GRID2: variants seen among roughly 807,000 people sequenced by gnomAD.
GRID2 encodes the protein glutamate receptor ionotropic, delta-2.
Under a neutral mutation model 114.8 loss-of-function variants are expected in GRID2, and 33 were observed. The ratio of observed to expected loss-of-function variants is 0.29; its 90% CI spans 0.22 to 0.38. The LOEUF is 0.38. Among genes scored for constraint, GRID2 ranks in the 10% least tolerant of loss-of-function variants. The pLI, the probability that GRID2 is intolerant of heterozygous loss-of-function variation, is 1.00. For synonymous variants in GRID2, 505 were observed against 449.9 expected (o/e 1.12, Z -1.55); for missense variants, 1,184 against 1,257.7 (o/e 0.94, Z 0.89).
chr4:93,036,086 G>T (rs1308895019), intron 2 of GRID2, among the ~76,000 whole-genome samples: 1 of 151,892 alleles, frequency 6.6e-6, no homozygotes, highest in Non-Finnish European at 1.5e-5. Context: ...CTCACCTCTG[G>T]TTACCTTAAT....
chr4:92,429,642 A>T (rs1165301148), intron 1 of GRID2, among the ~76,000 whole-genome samples: 1 of 152,152 alleles, frequency 6.6e-6, no homozygotes, highest in Non-Finnish European at 1.5e-5. Flanking sequence ...ATCATATGGT[A>T]GTCTATTTTT....
intron 11 of GRID2, among the ~76,000 whole-genome samples, chr4:93,476,498 C>T (rs1323989566): frequency 3.9e-5 from 6 of 152,026 alleles, no homozygotes; most frequent in African/African-American, 7.2e-5. Flanking sequence ...ATGCTTTTTA[C>T]GATACATTTA....
At chr4:93,441,449 A>G (rs985108412) in intron 10 of GRID2, among the ~76,000 whole-genome samples, 2 of 151,998 alleles carry the variant, frequency 1.3e-5, no homozygotes, top group Non-Finnish European at 2.9e-5. Context: ...TATAGCCTAG[A>G]AAGGTAGTTG....
At chr4:92,797,970 T>A (rs1384889529) in intron 2 of GRID2, among the ~76,000 whole-genome samples, 2 of 151,986 alleles carry the variant, frequency 1.3e-5, no homozygotes, top group African/African-American at 2.4e-5. Flanking sequence ...GCCTTAAAAA[T>A]TGTTATTTTA....
chr4:93,005,236 T>A (rs1176096111), intron 2 of GRID2, among the ~76,000 whole-genome samples: 3 of 152,118 alleles, frequency 2.0e-5, no homozygotes, highest in African/African-American at 7.2e-5. Context: ...GATAACATGG[T>A]CATTCATCAA....
intron 4 of GRID2, among the ~76,000 whole-genome samples, chr4:93,190,833 T>A (rs1178553781): frequency 2.0e-5 from 3 of 152,078 alleles, no homozygotes; most frequent in African/African-American, 7.2e-5. Context: ...TCATTAGATT[T>A]GCAGATACCT....
At chr4:92,846,141 A>G (rs1743305198) in intron 2 of GRID2, among the ~76,000 whole-genome samples, 1 of 152,028 alleles carries the variant, frequency 6.6e-6, no homozygotes, top group Non-Finnish European at 1.5e-5. Context: ...TGATGTGTCT[A>G]GCTTTCGTCT....
At chr4:93,514,763 C>T (rs1354189385) in intron 12 of GRID2, among the ~76,000 whole-genome samples, 1 of 151,850 alleles carries the variant, frequency 6.6e-6, no homozygotes, top group Non-Finnish European at 1.5e-5. Context: ...CATTTGACCT[C>T]AAAGCATGTT....
At chr4:93,337,386 A>C (rs926542913) in intron 8 of GRID2, among the ~76,000 whole-genome samples, 3 of 152,128 alleles carry the variant, frequency 2.0e-5, no homozygotes, top group African/African-American at 7.2e-5. Flanking sequence ...CATCACCACC[A>C]GGAGGTGACA....
At chr4:93,620,005 C>A (rs571363614) in intron 13 of GRID2, among the ~76,000 whole-genome samples, 1 of 152,188 alleles carries the variant, frequency 6.6e-6, no homozygotes, top group African/African-American at 2.4e-5. Context: ...AGGAAGATAG[C>A]CTTGATCTCA....
chr4:93,794,787 C>T (rs928007179), intron 1 of GRID2, among the ~76,000 whole-genome samples: 1 of 152,198 alleles, frequency 6.6e-6, no homozygotes, highest in Non-Finnish European at 1.5e-5. Flanking sequence ...CCCCACTCCC[C>T]TTCTCTCCTC....
At chr4:92,902,678 T>C (rs1337154887) in intron 2 of GRID2, among the ~76,000 whole-genome samples, 1 of 151,936 alleles carries the variant, frequency 6.6e-6, no homozygotes, top group Admixed American at 6.6e-5. Flanking sequence ...ATATGTGAGA[T>C]GTAGGGGTCC....
chr4:92,593,967 G>C (rs1464536286), intron 2 of GRID2, among the ~76,000 whole-genome samples: 4 of 150,820 alleles, frequency 2.7e-5, no homozygotes, highest in Non-Finnish European at 5.9e-5. Flanking sequence ...TAAAAACCTT[G>C]AGAATTATAG....
intron 2 of GRID2, among the ~76,000 whole-genome samples, chr4:92,750,162 G>A (rs1737377012): frequency 6.6e-6 from 1 of 152,036 alleles, no homozygotes; most frequent in Non-Finnish European, 1.5e-5. Context: ...CACCTGGCCC[G>A]GGCGCCTCAC....
intron 3 of GRID2, among the ~76,000 whole-genome samples, chr4:93,108,877 C>T (rs903663657): frequency 6.6e-6 from 1 of 152,098 alleles, no homozygotes; most frequent in African/African-American, 2.4e-5. Context: ...GATCTGCCCC[C>T]CTCGGTCTCC....
chr4:92,355,277 AT>A (rs544969840), intron 1 of GRID2, among the ~76,000 whole-genome samples: 8 of 151,172 alleles, frequency 5.3e-5, no homozygotes, highest in African/African-American at 1.7e-4. Flanking sequence ...TTTGAAATGG[AT>A]TTTTTTTTAC....
At chr4:93,690,918 A>G (rs1170597131) in intron 14 of GRID2, among the ~76,000 whole-genome samples, 6 of 148,428 alleles carry the variant, frequency 4.0e-5, no homozygotes, top group Non-Finnish European at 8.9e-5. Context: ...AGCTTTATAT[A>G]TAATAGTTTA....
chr4:92,934,148 A>G (rs1750454211), intron 2 of GRID2, among the ~76,000 whole-genome samples: 1 of 151,758 alleles, frequency 6.6e-6, no homozygotes, highest in Admixed American at 6.6e-5. Context: ...CATAATATTG[A>G]TTCTTCCTAC....
At chr4:92,448,358 G>T (rs1310841120) in intron 1 of GRID2, among the ~76,000 whole-genome samples, 1 of 151,946 alleles carries the variant, frequency 6.6e-6, no homozygotes, top group Non-Finnish European at 1.5e-5. Context: ...GTAGAGATGG[G>T]GTTTCACTAT....
Sources: allele counts gnomAD v4.1 joint callset (sites outside exome capture counted in the v4.1 genomes callset), GRCh38; gene constraint gnomAD v4.1.1; transcripts MANE v1.5; gene names NCBI Gene and HGNC (gene_info 2026-07-23, HGNC 2026-07-21).